The following CORIN variants were observed in gnomAD, a reference collection of about 807,000 sequenced individuals.
The protein encoded by CORIN is corin, serine peptidase.
In CORIN, 117 loss-of-function variants were observed where a neutral mutation model predicts 125.3. The ratio of observed to expected loss-of-function variants is 0.93; its 90% CI spans 0.80 to 1.09. The LOEUF (loss-of-function observed/expected upper bound fraction) is 1.09, where lower values mean the gene tolerates loss of function less well. Ranked by LOEUF, CORIN falls within the 50% of genes least tolerant of loss-of-function variation. The pLI, the probability that CORIN is intolerant of heterozygous loss-of-function variation, is 0.00. For synonymous variants in CORIN, 450 were observed against 466.4 expected (o/e 0.96, Z 0.45); for missense variants, 1,253 against 1,306.7 (o/e 0.96, Z 0.63).
At position 47,623,497 on chromosome 4, in the gene CORIN, A is replaced by G. The variant is rs185575139; in HGVS notation, c.2540+74T>C. On this transcript the variant is annotated intron_variant, in intron 19 of 21. Transcript: ENST00000273857. ...CCTGGATGTGGCTTCATGGAGTTACATATGCCACTGAGAATTCCCGAGTGA... is the reference window on the plus strand; with the variant it reads ...CCTGGATGTGGCTTCATGGAGTTACGTATGCCACTGAGAATTCCCGAGTGA... The G allele has an allele frequency of 9.9e-5, 147 of 1,488,964 alleles. No homozygotes were observed. The Admixed American group carries it at 2.6e-3, about 26-fold the overall frequency. The allele number at this position is 1,488,964 out of a possible 1,614,324, so 92.2% of individuals were successfully genotyped here.
intron 3 of CORIN, among the ~76,000 whole-genome samples, chr4:47,764,704 A>G (rs1169167978): frequency 6.6e-6 from 1 of 152,162 alleles, no homozygotes; most frequent in Non-Finnish European, 1.5e-5. Context: ...ACTTAGAGCT[A>G]ATGTAGAGGG....
intron 3 of CORIN, among the ~76,000 whole-genome samples, chr4:47,767,515 G>C (rs138468611): frequency 5.3e-4 from 80 of 152,004 alleles, no homozygotes; most frequent in African/African-American, 1.9e-3. Context: ...AGACAGAAGA[G>C]AACTTTAAAA....
Position 47,674,453 on chromosome 4 carries a change from A to C in CORIN, c.1297T>G (p.Cys433Gly). 6.2e-7 allele frequency: 1 copy of C among 1,614,084 alleles called. No homozygotes were observed. Among genetic ancestry groups the C allele is most frequent in the South Asian group, 1.1e-5 (1 of 91,080 alleles). The change falls in exon 10 of 22, where the codon TGC (cysteine) becomes GGC (glycine). Residue 433 changes from cysteine to glycine, a missense_variant. Transcript: ENST00000273857. ...GAGCTACCACCACATGAATCAAGGC[A>C]GGGATTGTAGAGGCATCTTTGGTCT... ...EGDQRCLYNP[C>G]LDSCGGSSLC...
chr4:47,708,381 A>ACT (rs1161250048), intron 5 of CORIN, among the ~76,000 whole-genome samples: 3 of 151,742 alleles, frequency 2.0e-5, no homozygotes, highest in African/African-American at 7.3e-5. Context: ...TCCTTCTCTG[A>ACT]CTCTCCTCTT....
chr4:47,719,744 T>C (rs1383637269), intron 5 of CORIN, among the ~76,000 whole-genome samples: 1 of 152,120 alleles, frequency 6.6e-6, no homozygotes, highest in African/African-American at 2.4e-5. Context: ...GTGGAGAAAA[T>C]TGGAAACAGC....
chr4:47,644,998 C>G (rs1412361918), intron 14 of CORIN, 83 bp downstream of exon 14: 6 of 715,548 alleles, frequency 8.4e-6, no homozygotes, highest in Non-Finnish European at 1.4e-5. Flanking sequence ...CATATTTACA[C>G]ACTTTTAGCT....
At chr4:47,711,895 C>T (rs897080461) in intron 5 of CORIN, among the ~76,000 whole-genome samples, 2 of 152,300 alleles carry the variant, frequency 1.3e-5, no homozygotes, top group African/African-American at 4.8e-5. Flanking sequence ...CATTTACTCA[C>T]GTTAGCTATA....
chr4:47,661,109 T>C (rs1724230029), intron 12 of CORIN, among the ~76,000 whole-genome samples: 1 of 152,218 alleles, frequency 6.6e-6, no homozygotes, highest in Non-Finnish European at 1.5e-5. Flanking sequence ...TCTCACTTAT[T>C]TGTGGGAGCT....
chr4:47,703,966 G>A (rs991943011), intron 5 of CORIN, among the ~76,000 whole-genome samples: 4 of 152,118 alleles, frequency 2.6e-5, no homozygotes, highest in Admixed American at 1.3e-4. Context: ...TATTTAATAC[G>A]AACTTCTCTT....
chr4:47,768,952 C>T (rs1034839858), intron 3 of CORIN, among the ~76,000 whole-genome samples: 1 of 152,134 alleles, frequency 6.6e-6, no homozygotes, highest in Non-Finnish European at 1.5e-5. Flanking sequence ...ATCAACATAG[C>T]ACTGGAAGTC....
In CORIN at chr4:47,653,403, T is replaced by C. The variant is rs1723823348; in HGVS notation, c.1843+150A>G. On this transcript the variant is annotated intron_variant, in intron 13 of 21. Coordinates refer to ENST00000273857, the MANE Select transcript of CORIN (RefSeq NM_006587.4). Reference sequence around the variant, plus strand: ...AGTCAGGAAAAACACTTAAAATATATGCCATACTGTTCAATAATTTAAGAA... The same window carrying C: ...AGTCAGGAAAAACACTTAAAATATACGCCATACTGTTCAATAATTTAAGAA... The C allele has an allele frequency of 4.5e-6, 3 of 665,706 alleles. No individual in the cohort carries two copies. In the East Asian group the frequency reaches 8.3e-5, roughly 19 times the overall value. The allele number at this position is 665,706 out of a possible 1,614,324, so 41.2% of individuals were successfully genotyped here. A position where few individuals can be genotyped will look rare whatever the true frequency, so the allele number is the denominator to read the frequency against.
At chr4:47,718,342 G>T (rs1256162921) in intron 5 of CORIN, among the ~76,000 whole-genome samples, 1 of 152,092 alleles carries the variant, frequency 6.6e-6, no homozygotes, top group African/African-American at 2.4e-5. Flanking sequence ...AATACATTGA[G>T]TATCAAGGTT....
At chr4:47,649,348 C>G (rs1374089414) in intron 13 of CORIN, among the ~76,000 whole-genome samples, 1 of 152,236 alleles carries the variant, frequency 6.6e-6, no homozygotes, top group Non-Finnish European at 1.5e-5. Context: ...AGACCTCCCC[C>G]AGCCCATGCT....
chr4:47,819,888 T>C (rs2109973412), intron 1 of CORIN, among the ~76,000 whole-genome samples: 1 of 152,252 alleles, frequency 6.6e-6, no homozygotes, highest in Admixed American at 6.5e-5. Flanking sequence ...TCTAAGAGGT[T>C]TTCATAACCT....
intron 1 of CORIN, among the ~76,000 whole-genome samples, chr4:47,809,041 C>T (rs1008625795): frequency 1.2e-4 from 18 of 152,088 alleles, no homozygotes; most frequent in African/African-American, 3.6e-4. Context: ...TGGAAGATCA[C>T]GTAAGACATT....
chr4:47,707,334 C>T (rs1246383953), intron 5 of CORIN, among the ~76,000 whole-genome samples: 1 of 152,194 alleles, frequency 6.6e-6, no homozygotes, highest in African/African-American at 2.4e-5. Flanking sequence ...TTGTGACAGT[C>T]ATTTCAAGAC....
chr4:47,650,742 C>T (rs1178764283), intron 13 of CORIN, among the ~76,000 whole-genome samples: 1 of 152,190 alleles, frequency 6.6e-6, no homozygotes, highest in Non-Finnish European at 1.5e-5. Flanking sequence ...ATCATGTATG[C>T]TCAATTACTT....
At chr4:47,785,105 A>G (rs1730727478) in intron 3 of CORIN, among the ~76,000 whole-genome samples, 2 of 152,226 alleles carry the variant, frequency 1.3e-5, no homozygotes, top group South Asian at 4.1e-4. Context: ...AGAGAAACAC[A>G]CAAGAAAATG....
chr4:47,836,436 A>G (rs76301233), intron 1 of CORIN, among the ~76,000 whole-genome samples: 144 of 152,318 alleles, frequency 9.5e-4, no homozygotes, highest in African/African-American at 2.9e-3. Context: ...AATCACCAGT[A>G]AGTCCTGACT....
Sources: gnomAD v4.1 joint callset for allele counts (sites outside exome capture counted in the v4.1 genomes callset) on GRCh38, gnomAD v4.1.1 for gene constraint, MANE v1.5 for transcripts, NCBI Gene and HGNC (gene_info 2026-07-23, HGNC 2026-07-21) for gene names.